HHAT: variants seen among roughly 807,000 people sequenced by gnomAD.
HHAT encodes the protein hedgehog acyltransferase.
A neutral mutation model predicts 70.8 loss-of-function variants in HHAT; 47 were observed. The ratio of observed to expected loss-of-function variants is 0.66; its 90% CI spans 0.53 to 0.85. HHAT has a LOEUF of 0.85. Among genes scored for constraint, HHAT ranks in the 40% least tolerant of loss-of-function variants. The probability of loss-of-function intolerance (pLI) is 0.00; values close to 1 mark genes in which losing one functional copy is unlikely to be tolerated. For synonymous variants in HHAT, 228 were observed against 247.6 expected (o/e 0.92, Z 0.74); for missense variants, 609 against 604.8 (o/e 1.01, Z -0.07).
At chr1:210,583,885 C>T (rs1350613344) in intron 9 of HHAT, among the ~76,000 whole-genome samples, 2 of 150,228 alleles carry the variant, frequency 1.3e-5, no homozygotes, top group Non-Finnish European at 3.0e-5. Context: ...AGATCAAGTA[C>T]CATTGGTGTG....
intron 6 of HHAT, among the ~76,000 whole-genome samples, chr1:210,411,457 C>T (rs527948148): frequency 5.3e-5 from 8 of 152,130 alleles, no homozygotes; most frequent in African/African-American, 1.9e-4. Context: ...TTGCTTCTCT[C>T]CAAGAGTTTG....
At chr1:210,402,142 G>T (rs2092105761) in intron 5 of HHAT, among the ~76,000 whole-genome samples, 1 of 152,212 alleles carries the variant, frequency 6.6e-6, no homozygotes, top group South Asian at 2.1e-4. Flanking sequence ...TTCTTTTAAG[G>T]AGAAATGCAT....
chr1:210,346,041 G>A lies in HHAT; in HGVS notation c.-43-2892G>A, dbSNP rs560463488. Among the ~76,000 whole-genome samples the A allele has an allele frequency of 4.0e-5, 6 of 150,396 alleles. No individual in the cohort carries two copies. The South Asian group carries it at 1.3e-3, about 32-fold the overall frequency. ...ATCATGCCACTGCACTCCTGCTTGG[G>A]CAACAGAGCAAGACCCTGTCTCCAG... On this transcript the variant is annotated intron_variant, in intron 1 of 11. Coordinates refer to ENST00000261458, the MANE Select transcript of HHAT (RefSeq NM_018194.6).
At chr1:210,637,083 A>C (rs1401000935) in intron 11 of HHAT, among the ~76,000 whole-genome samples, 1 of 152,194 alleles carries the variant, frequency 6.6e-6, no homozygotes, top group African/African-American at 2.4e-5. Flanking sequence ...TAATAAATAT[A>C]ACCTTACACA....
At chr1:210,556,253 G>T (rs1487711161) in intron 9 of HHAT, among the ~76,000 whole-genome samples, 2 of 151,948 alleles carry the variant, frequency 1.3e-5, no homozygotes, top group Non-Finnish European at 2.9e-5. Context: ...CCCTCAAGTG[G>T]TATCTTTCCC....
At chr1:210,503,891 A>C (rs1012200711) in intron 8 of HHAT, among the ~76,000 whole-genome samples, 1 of 152,244 alleles carries the variant, frequency 6.6e-6, no homozygotes, top group African/African-American at 2.4e-5. Context: ...AAAGTAGATC[A>C]TGAACTTTAA....
At chr1:210,451,014 G>A (rs905897304) in intron 7 of HHAT, among the ~76,000 whole-genome samples, 3 of 151,386 alleles carry the variant, frequency 2.0e-5, no homozygotes, top group African/African-American at 7.3e-5. Flanking sequence ...GTGAACCCGG[G>A]AGGTGGAGCT....
intron 3 of HHAT, among the ~76,000 whole-genome samples, chr1:210,385,457 C>T (rs1266159239): frequency 6.6e-6 from 1 of 152,112 alleles, no homozygotes; most frequent in East Asian, 1.9e-4. Flanking sequence ...GATCAGGGAT[C>T]AGGAGCCAGG....
chr1:210,434,159 G>A lies in HHAT; in HGVS notation c.856+15834G>A, dbSNP rs2093321759. On this transcript the variant is annotated intron_variant, in intron 7 of 11. Coordinates refer to ENST00000261458, the MANE Select transcript of HHAT (RefSeq NM_018194.6). ...AGTTGAAGAGAGGCCAATAAGAGGG[G>A]AATGAAGAAAGTCTGTTTCAGTTTT... Among the ~76,000 whole-genome samples, 2 of 151,870 alleles carry A rather than the reference G, an allele frequency of 1.3e-5. 1 individual carries two copies. Among genetic ancestry groups the A allele is most frequent in the African/African-American group, 4.9e-5 (2 of 41,158 alleles).
intron 2 of HHAT, among the ~76,000 whole-genome samples, chr1:210,356,900 CTGAG>C (rs2087689109): frequency 6.6e-6 from 1 of 152,182 alleles, no homozygotes; most frequent in Non-Finnish European, 1.5e-5. Context: ...GGTGAGCTGA[CTGAG>C]TATGTCTGGG....
intron 1 of HHAT, among the ~76,000 whole-genome samples, chr1:210,335,620 T>C (rs1172877196): frequency 6.6e-6 from 1 of 152,210 alleles, no homozygotes; most frequent in African/African-American, 2.4e-5. Flanking sequence ...AACAGGCTTA[T>C]ACATCTGTGG....
chr1:210,571,323 G>A (rs1301371058), intron 9 of HHAT, among the ~76,000 whole-genome samples: 49 of 152,210 alleles, frequency 3.2e-4, no homozygotes, highest in Non-Finnish European at 1.5e-4. Flanking sequence ...CTACAGGCAT[G>A]CGGGCGCTTG....
chr1:210,557,176 A>T (rs182684610), intron 9 of HHAT, among the ~76,000 whole-genome samples: 26 of 152,386 alleles, frequency 1.7e-4, no homozygotes, highest in Non-Finnish European at 2.9e-4. Flanking sequence ...GCAATGAATG[A>T]AATGCATTAA....
chr1:210,669,433 A>AT (rs1679637785), intron 11 of HHAT, among the ~76,000 whole-genome samples: 2 of 152,232 alleles, frequency 1.3e-5, no homozygotes, highest in African/African-American at 4.8e-5. Flanking sequence ...CAATGTCATG[A>AT]TACAACCACC....
At chr1:210,344,559 T>C (rs2086338011) in intron 1 of HHAT, among the ~76,000 whole-genome samples, 1 of 152,182 alleles carries the variant, frequency 6.6e-6, no homozygotes, top group Non-Finnish European at 1.5e-5. Context: ...GGGCTCTGAA[T>C]CTAGTCCCTT....
At position 210,567,183 on chromosome 1, in the gene HHAT, G is replaced by T. The variant is rs543211314; in HGVS notation, c.1044-20715G>T. On this transcript the variant is annotated intron_variant, in intron 9 of 11. Coordinates refer to ENST00000261458, the MANE Select transcript of HHAT (RefSeq NM_018194.6). ...TTTCATCAAGAATAGTGCCCATTTT[G>T]AAATCAGACAAACCCAAGTCTCAGT... 1.4e-3 allele frequency among the ~76,000 whole-genome samples: 216 copies of T among 152,344 alleles called. 2 individuals carry two copies. The South Asian group carries it at 0.018, about 13-fold the overall frequency.
At chr1:210,466,344 A>G (rs1335857179) in intron 8 of HHAT, among the ~76,000 whole-genome samples, 1 of 152,248 alleles carries the variant, frequency 6.6e-6, no homozygotes, top group Non-Finnish European at 1.5e-5. Flanking sequence ...TTTCATGGCA[A>G]GATTGCGGAA....
At chr1:210,524,887 G>T (rs1396318744) in intron 9 of HHAT, among the ~76,000 whole-genome samples, 2 of 151,870 alleles carry the variant, frequency 1.3e-5, no homozygotes, top group Non-Finnish European at 2.9e-5. Context: ...CTGCTTGCCT[G>T]GTGTGTTCTA....
rs575181113 is a variant in HHAT at position 210,615,297 on chromosome 1, T to G, written c.1246-8229T>G. On this transcript the variant is annotated intron_variant, in intron 10 of 11. Coordinates refer to ENST00000261458, the MANE Select transcript of HHAT (RefSeq NM_018194.6). ...TAAATTTGTTTGAGTTCTTGTAAATTTAAGGACTTCTCTGCATTGGTTATT... is the reference window on the plus strand; with the variant it reads ...TAAATTTGTTTGAGTTCTTGTAAATGTAAGGACTTCTCTGCATTGGTTATT... Among the ~76,000 whole-genome samples the G allele has an allele frequency of 3.3e-5, 5 of 152,334 alleles. No individual in the cohort carries two copies. In the East Asian group the frequency reaches 9.6e-4, roughly 29 times the overall value.
Sources: allele counts gnomAD v4.1 joint callset (sites outside exome capture counted in the v4.1 genomes callset), GRCh38; gene constraint gnomAD v4.1.1; transcripts MANE v1.5; gene names NCBI Gene and HGNC (gene_info 2026-07-23, HGNC 2026-07-21).